SUCO: variants seen among roughly 807,000 people sequenced by gnomAD.
SUCO encodes the protein SUN domain containing ossification factor, also known as SUN domain-containing ossification factor.
Under a neutral mutation model 148.1 loss-of-function variants are expected in SUCO, and 57 were observed. That is an observed-to-expected ratio of 0.38 (90% CI 0.31 to 0.48). The LOEUF (loss-of-function observed/expected upper bound fraction) is 0.48. Among genes scored for constraint, SUCO ranks in the 20% least tolerant of loss-of-function variants. The pLI, the probability that SUCO is intolerant of heterozygous loss-of-function variation, is 0.96. For missense variants in SUCO, 1,331 were observed against 1,468.2 expected, an observed-to-expected ratio of 0.91 and a Z score of 1.53; for synonymous variants, 470 against 502.7, an observed-to-expected ratio of 0.93 and a Z score of 0.87.
In SUCO at chr1:172,606,049, A is replaced by G. The variant is rs144356388; in HGVS notation, c.3266-2698A>G. Among the ~76,000 whole-genome samples, 737 of 151,658 alleles carry G rather than the reference A, an allele frequency of 4.9e-3. 3 individuals carry two copies. The highest frequency in any genetic ancestry group is 0.017 in the African/African-American group (707 of 41,492). ...TTCCATTTTTAATGTTACAAACATGAATTATATTAGATTTTCTAATGTTAA... is the reference window on the plus strand; with the variant it reads ...TTCCATTTTTAATGTTACAAACATGGATTATATTAGATTTTCTAATGTTAA... On this transcript the variant is annotated intron_variant, in intron 22 of 23. Coordinates refer to ENST00000263688, the MANE Select transcript of SUCO (RefSeq NM_014283.5).
intron 20 of SUCO, among the ~76,000 whole-genome samples, chr1:172,600,751 A>C (rs569134783): frequency 1.6e-3 from 245 of 151,562 alleles, no homozygotes; most frequent in Non-Finnish European, 3.1e-3. Flanking sequence ...GCAGTAAGGG[A>C]TGCTGCTTTA....
chr1:172,592,638 C>G (rs1453063791), intron 19 of SUCO, among the ~76,000 whole-genome samples: 1 of 152,132 alleles, frequency 6.6e-6, no homozygotes, highest in Non-Finnish European at 1.5e-5. Flanking sequence ...TGGTCTATAT[C>G]TCTGTTTTGG....
intron 1 of SUCO, 59 bp from the exon 2 acceptor site, chr1:172,551,453 T>C: frequency 8.8e-7 from 1 of 1,141,420 alleles, no homozygotes; most frequent in Non-Finnish European, 1.3e-6. Context: ...CTTAACAACT[T>C]TTCTTCTTTC....
chr1:172,584,969 T>G, intron 15 of SUCO, 49 bp from the exon 16 acceptor site: 1 of 1,192,366 alleles, frequency 8.4e-7, no homozygotes, highest in Non-Finnish European at 1.2e-6. Context: ...TTAATTTATA[T>G]TAGAATATTT....
At chr1:172,550,810 T>TG (rs1459655094) in intron 1 of SUCO, 1 of 618,050 alleles carries the variant, frequency 1.6e-6, no homozygotes, top group Non-Finnish European at 2.0e-6. Context: ...TATCAGATGT[T>TG]TTTCAGTGGC....
chr1:172,551,601 A>T lies in SUCO; in HGVS notation c.152A>T (p.Asn51Ile), dbSNP rs1322922658. ...YSQDDNCALENEDVQFQKKDE... is the reference protein window; with the variant it reads ...YSQDDNCALEIEDVQFQKKDE... ...CAAGATGACAACTGCGCACTAGAAA[A>T]TGAAGATGTACAATTCCAGAAAAAG... Residue 51 changes from asparagine to isoleucine, a missense_variant, in exon 2 of 24, where the codon AAT (asparagine) becomes ATT (isoleucine). Coordinates refer to ENST00000263688, the MANE Select transcript of SUCO (RefSeq NM_014283.5). 6.2e-7 allele frequency: 1 copy of T among 1,607,538 alleles called. No individual in the cohort carries two copies. The highest frequency in any genetic ancestry group is 1.7e-5 in the Admixed American group (1 of 59,276).
Position 172,610,116 on chromosome 1 carries a change from AAAGTCC to A in SUCO, c.3626_3631del (p.Val1209_Gln1210del). 1 of 1,613,862 alleles carries A rather than the reference AAAGTCC, an allele frequency of 6.2e-7. No homozygotes were observed. Among genetic ancestry groups the A allele is most frequent in the Non-Finnish European group, 8.5e-7 (1 of 1,179,862 alleles). On this transcript the variant is annotated inframe_deletion, in exon 24 of 24. Transcript: ENST00000263688. ...GAGGGCTTTAAAACGAAGACGATCT[AAAGTCC>A]AAGACCAAGGAAAATTGATAAAAAC...
chr1:172,561,095 T>C (rs1484616746), intron 6 of SUCO, among the ~76,000 whole-genome samples: 1 of 152,250 alleles, frequency 6.6e-6, no homozygotes, highest in African/African-American at 2.4e-5. Context: ...TGCTTTCAAG[T>C]GGAATCCCAT....
chr1:172,599,385 C>T, intron 19 of SUCO: 1 of 739,864 alleles, frequency 1.4e-6, no homozygotes, highest in Non-Finnish European at 1.7e-6. Context: ...AGGGTCATAA[C>T]TATGATTGTG....
In SUCO at chr1:172,611,654, C is replaced by T. The variant is rs1256930537; in HGVS notation, c.*1395C>T. The T allele has an allele frequency of 1.3e-5, 2 of 152,538 alleles. No individual in the cohort carries two copies. The highest frequency in any genetic ancestry group is 2.9e-5 in the Non-Finnish European group (2 of 68,008). 9.4% of individuals were successfully genotyped at this position (152,538 alleles called of 1,614,324 possible). On this transcript the variant is annotated 3_prime_UTR_variant, in exon 24 of 24. Transcript: ENST00000263688. ...TGTCTGCACAATTAGCTATTCAGAG[C>T]AAGAGGGCCTGATTTTATAGAAGCC...
intron 4 of SUCO, chr1:172,556,830 T>TTCACTGGGAG (rs1653791207): frequency 2.4e-6 from 2 of 835,562 alleles, no homozygotes; most frequent in East Asian, 2.5e-4. Flanking sequence ...TATACTCCCA[T>TTCACTGGGAG]TATATTAAAA....
At chr1:172,570,196 G>T in intron 8 of SUCO, 25 bp downstream of exon 8, 1 of 1,442,634 alleles carries the variant, frequency 6.9e-7, no homozygotes, top group Non-Finnish European at 9.4e-7. Flanking sequence ...ATAAAATTTT[G>T]TATATATAGG....
upstream of SUCO, chr1:172,532,944 T>C (rs528894342): frequency 2.3e-4 from 319 of 1,363,376 alleles, 2 homozygotes; most frequent in South Asian, 4.4e-3. Flanking sequence ...CTCCGGCTTC[T>C]CCGCCTGCGA....
chr1:172,552,706 A>C, intron 2 of SUCO: 1 of 862,338 alleles, frequency 1.2e-6, no homozygotes, highest in South Asian at 5.3e-5. Context: ...ATTTTGATTT[A>C]ATCCCCCTTT....
intron 17 of SUCO, chr1:172,588,101 A>G: frequency 1.0e-6 from 1 of 985,330 alleles, no homozygotes; most frequent in Non-Finnish European, 1.2e-6. Flanking sequence ...AGCCTAGATG[A>G]TAGCAAAATT....
At chr1:172,598,434 G>A (rs953379895) in intron 19 of SUCO, among the ~76,000 whole-genome samples, 7 of 152,010 alleles carry the variant, frequency 4.6e-5, no homozygotes, top group African/African-American at 7.2e-5. Flanking sequence ...AGTTTTTTGC[G>A]TTTCTGTGTG....
chr1:172,610,409 G>A lies in SUCO; in HGVS notation c.*150G>A, dbSNP rs553949900. On this transcript the variant is annotated 3_prime_UTR_variant, in exon 24 of 24. Coordinates refer to ENST00000263688, the MANE Select transcript of SUCO (RefSeq NM_014283.5). ...TTCTACCTTTTTAAAAAGTAGATGG[G>A]ATTGTGTCAATCTTGGTTAATGAGC... 4.0e-6 allele frequency: 5 copies of A among 1,258,322 alleles called. No individual in the cohort carries two copies. The highest frequency in any genetic ancestry group is 5.3e-6 in the Non-Finnish European group (5 of 951,200). The allele number at this position is 1,258,322 out of a possible 1,614,324, so 77.9% of individuals were successfully genotyped here. A position where few individuals can be genotyped will look rare whatever the true frequency, so the allele number is the denominator to read the frequency against.
At chr1:172,550,491 T>G (rs1164101266) in intron 1 of SUCO, among the ~76,000 whole-genome samples, 1 of 151,996 alleles carries the variant, frequency 6.6e-6, no homozygotes, top group Non-Finnish European at 1.5e-5. Context: ...TTTTAATAGG[T>G]GATTCTTTTG....
intron 1 of SUCO, among the ~76,000 whole-genome samples, chr1:172,550,083 T>C (rs1653175319): frequency 6.6e-6 from 1 of 151,928 alleles, no homozygotes; most frequent in Non-Finnish European, 1.5e-5. Flanking sequence ...GGGATTTGTC[T>C]TTCTAGTCAC....
Sources: gnomAD v4.1 joint callset for allele counts (sites outside exome capture counted in the v4.1 genomes callset) on GRCh38, gnomAD v4.1.1 for gene constraint, MANE v1.5 for transcripts, NCBI Gene and HGNC (gene_info 2026-07-23, HGNC 2026-07-21) for gene names.